The following FABP9 variants were observed in gnomAD, a reference collection of about 807,000 sequenced individuals.
The protein encoded by FABP9 is fatty acid binding protein 9.
In FABP9, 11 loss-of-function variants were observed where a neutral mutation model predicts 14.7. The ratio of observed to expected loss-of-function variants is 0.75; its 90% CI spans 0.47 to 1.24. The LOEUF is 1.24. FABP9 is among the 50% of genes most tolerant of loss of function. The probability of loss-of-function intolerance (pLI) is 0.00; values close to 1 mark genes in which losing one functional copy is unlikely to be tolerated. For missense variants in FABP9, 171 were observed against 158.2 expected (o/e 1.08, Z -0.44); for synonymous variants, 54 against 50.6 (o/e 1.07, Z -0.29).
Position 81,458,680 on chromosome 8 carries a change from G to T in FABP9, c.270C>A (p.Gly90=). 6.2e-7 allele frequency: 1 copy of T among 1,613,424 alleles called. No individual in the cohort carries two copies. The highest frequency in any genetic ancestry group is 8.5e-7 in the Non-Finnish European group (1 of 1,179,636). The change falls in exon 3 of 4, where the codon GGC becomes GGA. Residue 90 remains glycine (G), a synonymous_variant. Transcript: ENST00000379071. ...KVKSTITLEN[G]SMIHVQKWLG... ...GCCATTTTTGGACGTGAATCATTGA[G>T]CCATTCTCTAATGTTATGGTGCTCT...
At chr8:81,459,982 T>A (rs1173951712) in intron 1 of FABP9, among the ~76,000 whole-genome samples, 2 of 147,650 alleles carry the variant, frequency 1.4e-5, no homozygotes, top group Non-Finnish European at 2.9e-5. Flanking sequence ...CTCGCAAGTT[T>A]TTTTTTTGTT....
At chr8:81,459,406 A>G in intron 1 of FABP9, 69 bp from the exon 2 acceptor site, 2 of 1,367,890 alleles carry the variant, frequency 1.5e-6, no homozygotes, top group South Asian at 3.4e-5. Flanking sequence ...GTCAATTTTC[A>G]AAGAATGCTT....
chr8:81,459,062 A>G (rs1358929853), intron 2 of FABP9, 103 bp downstream of exon 2: 10 of 1,034,218 alleles, frequency 9.7e-6, no homozygotes, highest in Non-Finnish European at 4.2e-6. Flanking sequence ...TTAACAGAAC[A>G]AGCCCAGACA....
At chr8:81,459,987 TTTG>T (rs1432956376) in intron 1 of FABP9, among the ~76,000 whole-genome samples, 3 of 142,938 alleles carry the variant, frequency 2.1e-5, no homozygotes, top group East Asian at 4.3e-4. Context: ...AAGTTTTTTT[TTTG>T]TTTGTTTGTT....
rs1308390537 is a variant in FABP9, at chr8:81,458,658, A to G, written c.292T>C (p.Trp98Arg). Residue 98 changes from tryptophan to arginine, a missense_variant, in exon 3 of 4, where the codon TGG (tryptophan) becomes CGG (arginine). Physicochemically the swap from Trp to Arg is moderately radical, Grantham distance 101. Transcript: ENST00000379071. The stretch of plus-strand genomic sequence containing the variant: ...TTGATTGTTGTCTCTTTGCCAAGCC[A>G]TTTTTGGACGTGAATCATTGAGCCA... ...ENGSMIHVQK[W>R]LGKETTIKRK... 1.1e-5 allele frequency: 18 copies of G among 1,613,848 alleles called. No homozygotes were observed. Among genetic ancestry groups the G allele is most frequent in the Middle Eastern group, 1.7e-4 (1 of 6,056 alleles).
At chr8:81,459,638 T>C (rs78448647) in intron 1 of FABP9, among the ~76,000 whole-genome samples, 4,640 of 152,292 alleles carry the variant, frequency 0.03, 215 homozygotes, top group African/African-American at 0.1. Flanking sequence ...AGTGTTACGA[T>C]AACCTTGTGG....
chr8:81,460,026 G>A (rs1238958286), intron 1 of FABP9, among the ~76,000 whole-genome samples: 18 of 151,952 alleles, frequency 1.2e-4, no homozygotes, highest in Admixed American at 1.2e-3. Flanking sequence ...TTGAGACAGA[G>A]TCTCGCTATG....
At position 81,458,446 on chromosome 8, in the gene FABP9, A is replaced by G. The variant is rs749887838; in HGVS notation, c.349-13T>C. ...TCATTTTACATTCCTAAAAGCAAAG[A>G]GGAATCTATTAGAGCTGGTAGATAA... On this transcript the variant is annotated splice_polypyrimidine_tract_variant and intron_variant, in intron 3 of 3. Coordinates refer to ENST00000379071, the MANE Select transcript of FABP9 (RefSeq NM_001080526.2). The G allele has an allele frequency of 2.1e-5, 33 of 1,606,748 alleles. No individual in the cohort carries two copies. The African/African-American group carries it at 4.2e-4, about 20-fold the overall frequency.
chr8:81,458,445 G>C lies in FABP9; in HGVS notation c.349-12C>G. The C allele has an allele frequency of 6.2e-7, 1 of 1,606,490 alleles. No homozygotes were observed. The highest frequency in any genetic ancestry group is 8.5e-7 in the Non-Finnish European group (1 of 1,173,282). On this transcript the variant is annotated splice_polypyrimidine_tract_variant and intron_variant, in intron 3 of 3. Transcript: ENST00000379071. The stretch of plus-strand genomic sequence containing the variant: ...TTCATTTTACATTCCTAAAAGCAAA[G>C]AGGAATCTATTAGAGCTGGTAGATA...
chr8:81,459,422 A>G, intron 1 of FABP9, 85 bp from the exon 2 acceptor site: 1 of 1,299,856 alleles, frequency 7.7e-7, no homozygotes, highest in Non-Finnish European at 1.0e-6. Context: ...TGCTTACTTT[A>G]CCTATTTTGA....
In FABP9 at chr8:81,461,433, T is replaced by G. The variant is rs1807691118; in HGVS notation, c.73+18A>C. 1 of 1,576,016 alleles carries G rather than the reference T, an allele frequency of 6.3e-7. No individual in the cohort carries two copies. The highest frequency in any genetic ancestry group is 1.3e-5 in the African/African-American group (1 of 74,102). ...AAAATGCTTTGCCAATTTCCAAATT[T>G]GTAATGGTATTTCTCACCCAGTTCT... is the stretch of plus-strand genomic sequence containing the variant. On this transcript the variant is annotated intron_variant, in intron 1 of 3. Transcript: ENST00000379071.
At position 81,459,241 on chromosome 8, in the gene FABP9, G is replaced by T. The variant is rs772172183; in HGVS notation, c.170C>A (p.Ser57Tyr). The change falls in exon 2 of 4, where the codon TCT (serine) becomes TAT (tyrosine). Residue 57 changes from serine (S) to tyrosine (Y), a missense_variant. Physicochemically the swap from Ser to Tyr is moderately radical, Grantham distance 144. Transcript: ENST00000379071. ...GAAGGAGATCTTAGTGTCCTGGAAA[G>T]AACTTTCTGTTCTTATGGTCATCAT... ...GKMMTIRTES[S>Y]FQDTKISFKL... 2 of 1,586,734 alleles carry T rather than the reference G, an allele frequency of 1.3e-6. No homozygotes were observed. The highest frequency in any genetic ancestry group is 3.7e-5 in the Admixed American group (2 of 53,418).
Position 81,459,167 on chromosome 8 carries a change from T to G in FABP9, c.244A>C (p.Lys82Gln). ...CACCAGGAAGAATTAGTTCTGACCT[T>G]TACTTTCCGGTTGTCTGCTGTAGTT... ...DETTADNRKV[K>Q]STITLENGSM... Residue 82 changes from lysine to glutamine, a missense_variant and splice_region_variant, in exon 2 of 4, where the codon AAG becomes CAG. Physicochemically the swap from Lys to Gln is moderately conservative, Grantham distance 53 (BLOSUM62 1). Coordinates refer to ENST00000379071, the MANE Select transcript of FABP9 (RefSeq NM_001080526.2). 1 of 1,588,550 alleles carries G rather than the reference T, an allele frequency of 6.3e-7. No homozygotes were observed. Among genetic ancestry groups the G allele is most frequent in the Non-Finnish European group, 8.5e-7 (1 of 1,171,916 alleles).
In FABP9 at chr8:81,461,526, T is replaced by A; in HGVS notation, c.-3A>T. ...GTTCCCAAGAAGGGCTCAACCATCA[T>A]GGAACACTTGCTGAGAAGAGCCACT... On this transcript the variant is annotated 5_prime_UTR_variant, in exon 1 of 4. The change abolishes an upstream ATG in the 5' untranslated region. Transcript: ENST00000379071. The A allele has an allele frequency of 6.2e-7, 1 of 1,612,434 alleles. No individual in the cohort carries two copies. The highest frequency in any genetic ancestry group is 2.2e-5 in the East Asian group (1 of 44,850).
chr8:81,458,597 C>T lies in FABP9; in HGVS notation c.348+5G>A. 6.2e-7 allele frequency: 1 copy of T among 1,605,664 alleles called. No individual in the cohort carries two copies. The highest frequency in any genetic ancestry group is 8.5e-7 in the Non-Finnish European group (1 of 1,172,672). The stretch of plus-strand genomic sequence containing the variant: ...TATAAAGACTTCAATTTAAAGAAAA[C>T]TTACCACTACCATTTTTTCATCCAC... On this transcript the variant is annotated splice_donor_5th_base_variant and intron_variant, in intron 3 of 3. Coordinates refer to ENST00000379071, the MANE Select transcript of FABP9 (RefSeq NM_001080526.2).
In FABP9 at chr8:81,458,698, G is replaced by T. The variant is rs766852230; in HGVS notation, c.252C>A (p.Thr84=). Residue 84 remains threonine, a synonymous_variant, in exon 3 of 4, where the codon ACC becomes ACA. Transcript: ENST00000379071. ...TTADNRKVKS[T]ITLENGSMIH... The stretch of plus-strand genomic sequence containing the variant: ...TCATTGAGCCATTCTCTAATGTTAT[G>T]GTGCTCTATAAATGCATAAAGAAAT... 4 of 1,611,386 alleles carry T rather than the reference G, an allele frequency of 2.5e-6. No individual in the cohort carries two copies. Among genetic ancestry groups the T allele is most frequent in the South Asian group, 2.2e-5 (2 of 91,004 alleles).
At chr8:81,459,773 C>A (rs189059519) in intron 1 of FABP9, among the ~76,000 whole-genome samples, 1 of 152,130 alleles carries the variant, frequency 6.6e-6, no homozygotes, top group African/African-American at 2.4e-5. Flanking sequence ...ATATCAAACT[C>A]CATTTCACAT....
At chr8:81,459,900 T>G (rs1266654724) in intron 1 of FABP9, among the ~76,000 whole-genome samples, 1 of 152,212 alleles carries the variant, frequency 6.6e-6, no homozygotes, top group Non-Finnish European at 1.5e-5. Flanking sequence ...ACTTGCTAGC[T>G]TGGGCATATT....
chr8:81,458,834 G>T, intron 2 of FABP9, 131 bp from the exon 3 acceptor site: 1 of 676,736 alleles, frequency 1.5e-6, no homozygotes. Flanking sequence ...TCATGATGTA[G>T]TACTATCAAA....
Sources: gnomAD v4.1 joint callset for allele counts (sites outside exome capture counted in the v4.1 genomes callset) on GRCh38, gnomAD v4.1.1 for gene constraint, MANE v1.5 for transcripts, NCBI Gene and HGNC (gene_info 2026-07-23, HGNC 2026-07-21) for gene names.